Variants in TMEM43 observed in about 807,000 individuals in gnomAD.
TMEM43 encodes transmembrane protein 43, also known as arrhythmogenic right ventricular dysplasia 5.
Under a neutral mutation model 49.6 loss-of-function variants are expected in TMEM43, and 45 were observed. The ratio of observed to expected loss-of-function variants is 0.91; its 90% CI spans 0.71 to 1.16. The LOEUF (loss-of-function observed/expected upper bound fraction) is 1.16, where lower values mean the gene tolerates loss of function less well. Among genes scored for constraint, TMEM43 ranks in the 50% most tolerant of loss-of-function variants. The pLI, the probability that TMEM43 is intolerant of heterozygous loss-of-function variation, is 0.00. For synonymous variants in TMEM43, 199 were observed against 207.8 expected, an observed-to-expected ratio of 0.96 and a Z score of 0.36; for missense variants, 532 against 516.6, an observed-to-expected ratio of 1.03 and a Z score of -0.29.
intron 7 of TMEM43, among the ~76,000 whole-genome samples, chr3:14,134,559 T>C (rs1345852423): frequency 6.6e-6 from 1 of 152,142 alleles, no homozygotes; most frequent in Non-Finnish European, 1.5e-5. Context: ...CACTCTGACT[T>C]GGTGGGAGAG....
chr3:14,134,926 GGT>G (rs1695147751), intron 8 of TMEM43, 35 bp downstream of exon 8: 2 of 1,613,588 alleles, frequency 1.2e-6, no homozygotes, highest in African/African-American at 2.7e-5. Flanking sequence ...CAAATAGGAG[GGT>G]CAGGGCGCTA....
rs950405305 is a variant in TMEM43, at chr3:14,142,585, T to C, written c.*790T>C. ...ACAAAACAAAAAAAACACTTAATATTTCAGACTGTTACAGGAAACACCCTT... is the reference window on the plus strand; with the variant it reads ...ACAAAACAAAAAAAACACTTAATATCTCAGACTGTTACAGGAAACACCCTT... On this transcript the variant is annotated 3_prime_UTR_variant, in exon 12 of 12. Coordinates refer to ENST00000306077, the MANE Select transcript of TMEM43 (RefSeq NM_024334.3). 3.3e-5 allele frequency: 5 copies of C among 152,680 alleles called. No homozygotes were observed. Among genetic ancestry groups the C allele is most frequent in the Non-Finnish European group, 7.3e-5 (5 of 68,048 alleles). 9.5% of individuals were successfully genotyped at this position (152,680 alleles called of 1,614,324 possible).
chr3:14,130,330 C>G (rs938410661), intron 2 of TMEM43, among the ~76,000 whole-genome samples: 1 of 151,986 alleles, frequency 6.6e-6, no homozygotes, highest in East Asian at 1.9e-4. Context: ...AGGTAAACCA[C>G]ATGGGCTGAG....
intron 10 of TMEM43, among the ~76,000 whole-genome samples, chr3:14,136,183 T>C (rs1695167530): frequency 1.3e-5 from 2 of 152,270 alleles, no homozygotes; most frequent in South Asian, 4.1e-4. Context: ...ATGTTTCATG[T>C]ATACTTTGTA....
intron 5 of TMEM43, 71 bp downstream of exon 5, chr3:14,132,666 T>A: frequency 6.4e-7 from 1 of 1,562,182 alleles, no homozygotes; most frequent in African/African-American, 1.4e-5. Flanking sequence ...ACAGCAGGGC[T>A]GTTGGTGGGG....
At chr3:14,130,677 C>T in intron 2 of TMEM43, 145 bp from the exon 3 acceptor site, 1 of 1,077,514 alleles carries the variant, frequency 9.3e-7, no homozygotes, top group Non-Finnish European at 1.3e-6. Flanking sequence ...TCTCCACTTG[C>T]TAGACCTCAG....
At chr3:14,129,327 A>AG (rs2124985373) in intron 1 of TMEM43, 85 bp from the exon 2 acceptor site, 1 of 1,085,500 alleles carries the variant, frequency 9.2e-7, no homozygotes, top group African/African-American at 1.6e-5. Flanking sequence ...AAAAAAAAAA[A>AG]AAAAAAATTG....
In TMEM43 at chr3:14,126,158, C is replaced by T. The variant is rs534828690; in HGVS notation, c.12+953C>T. Among the ~76,000 whole-genome samples the T allele has an allele frequency of 2.1e-4, 32 of 152,306 alleles. No individual in the cohort carries two copies. In the South Asian group the frequency reaches 6.0e-3, roughly 29 times the overall value. ...CCTTGAGAGGCCAGGGTGTGCATCA[C>T]CCACAGCCCTAGTACACTTTGTCTC... On this transcript the variant is annotated intron_variant, in intron 1 of 11. Transcript: ENST00000306077.
At chr3:14,130,315 G>GACTC (rs1695076623) in intron 2 of TMEM43, among the ~76,000 whole-genome samples, 1 of 152,034 alleles carries the variant, frequency 6.6e-6, no homozygotes, top group Non-Finnish European at 1.5e-5. Context: ...GGTTCAGATA[G>GACTC]ACTCAGGTAA....
intron 10 of TMEM43, among the ~76,000 whole-genome samples, chr3:14,138,966 C>A (rs1453167160): frequency 6.6e-6 from 1 of 152,192 alleles, no homozygotes; most frequent in Non-Finnish European, 1.5e-5. Flanking sequence ...CTGAGGAAGG[C>A]CCGTACGTTC....
chr3:14,128,714 G>C, intron 1 of TMEM43: 1 of 281,466 alleles, frequency 3.6e-6, no homozygotes, highest in Non-Finnish European at 7.0e-6. Context: ...AAAATAGCTT[G>C]GCAGTTTCAT....
intron 10 of TMEM43, chr3:14,136,128 AGATCTCTT>A (rs1321275445): frequency 2.7e-5 from 17 of 640,936 alleles, no homozygotes; most frequent in Non-Finnish European, 4.9e-5. Flanking sequence ...ATACATAATG[AGATCTCTT>A]GGGGATGAGA....
chr3:14,138,723 T>C (rs762288423), intron 10 of TMEM43, among the ~76,000 whole-genome samples: 15 of 152,080 alleles, frequency 9.9e-5, no homozygotes, highest in South Asian at 2.1e-4. Context: ...AGCTAAAGAA[T>C]TGCAGCATCT....
chr3:14,136,516 TC>T (rs1353831615), intron 10 of TMEM43, among the ~76,000 whole-genome samples: 3 of 152,154 alleles, frequency 2.0e-5, no homozygotes, highest in Non-Finnish European at 2.9e-5. Context: ...GAGTAGAACA[TC>T]CGTTTCTGCA....
In TMEM43 at chr3:14,138,575, AGGT is replaced by A. The variant is rs535772778; in HGVS notation, c.883-599_883-597del. Among the ~76,000 whole-genome samples the A allele has an allele frequency of 6.6e-5, 10 of 152,056 alleles. No homozygotes were observed. In the South Asian group the frequency reaches 1.2e-3, roughly 19 times the overall value. The stretch of plus-strand genomic sequence containing the variant: ...GAGATGTCAAGTGGAAATGTCAAGG[AGGT>A]GGTGGAGGTGGTGGGAGCTGCAGGG... On this transcript the variant is annotated intron_variant, in intron 10 of 11. Coordinates refer to ENST00000306077, the MANE Select transcript of TMEM43 (RefSeq NM_024334.3).
chr3:14,135,773 AC>A, intron 9 of TMEM43, 33 bp from the exon 10 acceptor site: 1 of 1,582,540 alleles, frequency 6.3e-7, no homozygotes. Context: ...CCCGCTGGTC[AC>A]CCCTCAGCTC....
intron 1 of TMEM43, among the ~76,000 whole-genome samples, chr3:14,126,158 C>A (rs534828690): frequency 6.6e-6 from 1 of 152,188 alleles, no homozygotes; most frequent in African/African-American, 2.4e-5. Flanking sequence ...GTGTGCATCA[C>A]CCACAGCCCT....
intron 1 of TMEM43, 96 bp downstream of exon 1, chr3:14,125,301 C>G: frequency 6.9e-7 from 1 of 1,443,936 alleles, no homozygotes; most frequent in East Asian, 2.5e-5. Context: ...CCGCCTGGAG[C>G]TCCTCCGTGC....
chr3:14,129,450 T>G lies in TMEM43; in HGVS notation c.51T>G (p.Val17=), dbSNP rs397517383. 3 of 1,613,962 alleles carry G rather than the reference T, an allele frequency of 1.9e-6. No homozygotes were observed. The highest frequency in any genetic ancestry group is 2.5e-6 in the Non-Finnish European group (3 of 1,180,002). Residue 17 remains valine, a synonymous_variant, in exon 2 of 12, where the codon GTT becomes GTG. Transcript: ENST00000306077. The part of the protein sequence containing the change: ...STSTRREHVK[V]KTSSQPGFLE... ...GTACCCGGAGAGAACATGTCAAAGTTAAAACCAGCTCCCAGCCAGGCTTCC... is the reference window on the plus strand; with the variant it reads ...GTACCCGGAGAGAACATGTCAAAGTGAAAACCAGCTCCCAGCCAGGCTTCC...
Sources: allele counts gnomAD v4.1 joint callset (sites outside exome capture counted in the v4.1 genomes callset), GRCh38; gene constraint gnomAD v4.1.1; transcripts MANE v1.5; gene names NCBI Gene and HGNC (gene_info 2026-07-23, HGNC 2026-07-21).